IGFBP5: variants seen among roughly 807,000 people sequenced by gnomAD.
IGFBP5 encodes the protein insulin like growth factor binding protein 5.
IGFBP5 carries 12 observed loss-of-function variants against 28.0 expected under a neutral mutation model. That is an observed-to-expected ratio of 0.43 (90% CI 0.27 to 0.69). The LOEUF is 0.69. IGFBP5 is among the 30% of genes least tolerant of loss of function. The pLI is 0.20. For synonymous variants in IGFBP5, 152 were observed against 150.2 expected, an observed-to-expected ratio of 1.01 and a Z score of -0.09; for missense variants, 344 against 381.6, an observed-to-expected ratio of 0.90 and a Z score of 0.82.
chr2:216,688,989 C>G (rs1039548600), intron 1 of IGFBP5, among the ~76,000 whole-genome samples: 42 of 152,170 alleles, frequency 2.8e-4, no homozygotes, highest in Non-Finnish European at 1.5e-5. Context: ...ACACATCTGC[C>G]TATGAAAGAA....
In IGFBP5 at chr2:216,693,032, C is replaced by T. The variant is rs548463379; in HGVS notation, c.337+1407G>A. ...GAAGGGGATTGCCCCCGTAACTAAA[C>T]TGTCTCCGTAACTAAACTACGCCAA... On this transcript the variant is annotated intron_variant, in intron 1 of 3. Transcript: ENST00000233813. Among the ~76,000 whole-genome samples, 11 of 152,312 alleles carry T rather than the reference C, an allele frequency of 7.2e-5. 1 individual carries two copies. The South Asian group carries it at 2.3e-3, about 32-fold the overall frequency.
chr2:216,684,317 C>G (rs1045116796), intron 1 of IGFBP5, among the ~76,000 whole-genome samples: 1 of 152,228 alleles, frequency 6.6e-6, no homozygotes, highest in South Asian at 2.1e-4. Flanking sequence ...CCCCCGCCCC[C>G]GGACCTCTTA....
rs1381673214 is a variant in IGFBP5 at position 216,676,658 on chromosome 2, T to A, written c.*93A>T. ...ATATATATTTTTCCCTTAAATGAGA[T>A]GAAATGAGTGGCGTCCTGGGGTGGA... On this transcript the variant is annotated 3_prime_UTR_variant, in exon 4 of 4. Transcript: ENST00000233813. The A allele has an allele frequency of 1.3e-6, 1 of 761,130 alleles. No homozygotes were observed. Among genetic ancestry groups the A allele is most frequent in the Non-Finnish European group, 2.1e-6 (1 of 469,096 alleles). The allele number at this position is 761,130 out of a possible 1,614,324, so 47.1% of individuals were successfully genotyped here.
At chr2:216,684,132 A>G (rs1479988521) in intron 1 of IGFBP5, among the ~76,000 whole-genome samples, 1 of 152,202 alleles carries the variant, frequency 6.6e-6, no homozygotes, top group African/African-American at 2.4e-5. Context: ...GAAATACTCC[A>G]TGCTGCACAA....
chr2:216,694,399 C>G lies in IGFBP5; in HGVS notation c.337+40G>C, dbSNP rs1459826020. ...CCCAGCCGGTCTCGTGTCCCCCGCC[C>G]GTGCGCCGCGTAACTGACTGGCACA... On this transcript the variant is annotated intron_variant, in intron 1 of 3. Transcript: ENST00000233813. The surrounding 1 kb of genome is among the most constrained non-coding windows in gnomAD (Gnocchi z 5.2). 3.5e-6 allele frequency: 5 copies of G among 1,436,990 alleles called. No individual in the cohort carries two copies. Among genetic ancestry groups the G allele is most frequent in the Admixed American group, 2.5e-5 (1 of 39,226 alleles). The allele number at this position is 1,436,990 out of a possible 1,614,324, so 89.0% of individuals were successfully genotyped here.
rs559309336 is a variant in IGFBP5 at position 216,692,941 on chromosome 2, T to C, written c.337+1498A>G. ...CACTCCTCTCCTGCACTATAGTGAC[T>C]GAAATTTGCACTTCAGAAAACTCAT... On this transcript the variant is annotated intron_variant, in intron 1 of 3. Coordinates refer to ENST00000233813, the MANE Select transcript of IGFBP5 (RefSeq NM_000599.4). The surrounding 1 kb of genome is among the most constrained non-coding windows in gnomAD (Gnocchi z 4.2). Among the ~76,000 whole-genome samples, 20 of 152,200 alleles carry C rather than the reference T, an allele frequency of 1.3e-4. No individual in the cohort carries two copies. Among genetic ancestry groups the C allele is most frequent in the African/African-American group, 4.8e-4 (20 of 41,548 alleles).
chr2:216,694,602 G>A lies in IGFBP5; in HGVS notation c.174C>T (p.Thr58=), dbSNP rs760333246. The part of the protein sequence containing the change: ...VKEPGCGCCM[T]CALAEGQSCG... ...ACGACTGCCCCTCGGCCAGGGCGCA[G>A]GTCATGCAGCAGCCGCAGCCCGGCT... The change falls in exon 1 of 4, where the codon ACC becomes ACT. Residue 58 remains threonine, a synonymous_variant. Coordinates refer to ENST00000233813, the MANE Select transcript of IGFBP5 (RefSeq NM_000599.4). This position sits in a 1 kb window ranked among gnomAD's most constrained non-coding sequence, Gnocchi z 5.2. The A allele has an allele frequency of 2.7e-5, 42 of 1,545,192 alleles. No homozygotes were observed. In the Middle Eastern group the frequency reaches 5.1e-4, roughly 19 times the overall value.
chr2:216,684,225 G>A (rs1005665485), intron 1 of IGFBP5, among the ~76,000 whole-genome samples: 1 of 152,330 alleles, frequency 6.6e-6, no homozygotes, highest in Non-Finnish European at 1.5e-5. Context: ...TTCCAGTAGA[G>A]TCTGAAGGGT....
At chr2:216,682,092 G>C (rs1201777843) in intron 1 of IGFBP5, among the ~76,000 whole-genome samples, 3 of 152,186 alleles carry the variant, frequency 2.0e-5, no homozygotes, top group Admixed American at 1.3e-4. Context: ...GCCTCCCCAA[G>C]GCAAGTCTCC....
Position 216,676,535 on chromosome 2 carries a change from G to C in IGFBP5, c.*216C>G. ...CAAAAAGAAAACCATTTAAAGGGGG[G>C]GGGTGTCTTTTTAGCTTTTTGCATC... On this transcript the variant is annotated 3_prime_UTR_variant, in exon 4 of 4. Transcript: ENST00000233813. 2.8e-6 allele frequency: 1 copy of C among 354,792 alleles called. No individual in the cohort carries two copies. The highest frequency in any genetic ancestry group is 4.0e-5 in the South Asian group (1 of 24,700). 22.0% of individuals were successfully genotyped at this position (354,792 alleles called of 1,614,324 possible).
Position 216,676,020 on chromosome 2 carries a change from G to A in IGFBP5, c.*731C>T, listed in dbSNP as rs976583790. 7 of 152,712 alleles carry A rather than the reference G, an allele frequency of 4.6e-5. No individual in the cohort carries two copies. The highest frequency in any genetic ancestry group is 1.7e-4 in the African/African-American group (7 of 41,546). The allele number at this position is 152,712 out of a possible 1,614,324, so 9.5% of individuals were successfully genotyped here. The stretch of plus-strand genomic sequence containing the variant: ...ACATGTATTTCATATTCACAGATCT[G>A]CTTCCGAAAACCTCTCTATTTAATA... On this transcript the variant is annotated 3_prime_UTR_variant, in exon 4 of 4. Transcript: ENST00000233813.
Position 216,692,552 on chromosome 2 carries a change from T to C in IGFBP5, c.337+1887A>G, listed in dbSNP as rs1179127678. 6.6e-6 allele frequency among the ~76,000 whole-genome samples: 1 copy of C among 152,160 alleles called. No homozygotes were observed. The highest frequency in any genetic ancestry group is 1.5e-5 in the Non-Finnish European group (1 of 68,026). The stretch of plus-strand genomic sequence containing the variant: ...ACACCTTACGTTCTTTCGGTGTGAC[T>C]GGATTGTTACCCAGGGCGGTGGCTC... On this transcript the variant is annotated intron_variant, in intron 1 of 3. Transcript: ENST00000233813. The surrounding 1 kb of genome is among the most constrained non-coding windows in gnomAD (Gnocchi z 4.2).
intron 3 of IGFBP5, among the ~76,000 whole-genome samples, chr2:216,677,373 TATC>T (rs1187705013): frequency 6.6e-6 from 1 of 152,190 alleles, no homozygotes; most frequent in Non-Finnish European, 1.5e-5. Context: ...TTTGTGGTGT[TATC>T]ATGTAGTAGA....
In IGFBP5 at chr2:216,678,919, G is replaced by T. The variant is rs778168361; in HGVS notation, c.498C>A (p.Val166=). ...RRKKLTQSKF[V]GGAENTAHPR... is the part of the protein sequence containing the mutation. Reference sequence around the variant, plus strand: ...GGTGGGCAGTGTTCTCGGCTCCCCCGACAAACTTGGACTGGGTCAGCTTCT... The same window carrying T: ...GGTGGGCAGTGTTCTCGGCTCCCCCTACAAACTTGGACTGGGTCAGCTTCT... The change falls in exon 2 of 4, where the codon GTC becomes GTA. Residue 166 remains valine, a synonymous_variant. Coordinates refer to ENST00000233813, the MANE Select transcript of IGFBP5 (RefSeq NM_000599.4). The T allele has an allele frequency of 4.3e-6, 7 of 1,614,072 alleles. No individual in the cohort carries two copies. Among genetic ancestry groups the T allele is most frequent in the Non-Finnish European group, 5.9e-6 (7 of 1,180,048 alleles).
rs1299711979 is a variant in IGFBP5, at chr2:216,672,524, A to T, written c.*4227T>A. 6.6e-6 allele frequency: 1 copy of T among 152,134 alleles called. No individual in the cohort carries two copies. Among genetic ancestry groups the T allele is most frequent in the Non-Finnish European group, 1.5e-5 (1 of 67,958 alleles). The allele number at this position is 152,134 out of a possible 1,614,324, so 9.4% of individuals were successfully genotyped here. A position where few individuals can be genotyped will look rare whatever the true frequency, so the allele number is the denominator to read the frequency against. ...TGTGGTTATTGCTGTCTTCAAAAAAAAAAAGAAAAAGAAAAACAACAACAA... is the reference window on the plus strand; with the variant it reads ...TGTGGTTATTGCTGTCTTCAAAAAATAAAAGAAAAAGAAAAACAACAACAA... On this transcript the variant is annotated 3_prime_UTR_variant, in exon 4 of 4. Transcript: ENST00000233813.
chr2:216,691,156 G>A (rs574092929), intron 1 of IGFBP5, among the ~76,000 whole-genome samples: 3 of 152,208 alleles, frequency 2.0e-5, no homozygotes, highest in Non-Finnish European at 4.4e-5. Flanking sequence ...TGGAGTTGAA[G>A]CCAGGGTGAT....
chr2:216,685,138 A>G (rs928073400), intron 1 of IGFBP5, among the ~76,000 whole-genome samples: 1 of 152,102 alleles, frequency 6.6e-6, no homozygotes, highest in African/African-American at 2.4e-5. Flanking sequence ...AAAATCAGCC[A>G]GGCATGGTGG....
rs1688938667 is a variant in IGFBP5 at position 216,679,013 on chromosome 2, T to A, written c.404A>T (p.Lys135Met). 5 of 1,614,126 alleles carry A rather than the reference T, an allele frequency of 3.1e-6. No individual in the cohort carries two copies. Among genetic ancestry groups the A allele is most frequent in the Non-Finnish European group, 4.2e-6 (5 of 1,180,016 alleles). Residue 135 changes from lysine to methionine, a missense_variant, in exon 2 of 4, where the codon AAG becomes ATG. Physicochemically the swap from Lys to Met is moderately conservative, Grantham distance 95 (BLOSUM62 -1). This residue lies in a region of IGFBP5 where 304 missense variants were observed against 329.2 expected (regional missense o/e 0.92). Coordinates refer to ENST00000233813, the MANE Select transcript of IGFBP5 (RefSeq NM_000599.4). This position sits in a 1 kb window ranked among gnomAD's most constrained non-coding sequence, Gnocchi z 4.6. ...SEMAEETYSP[K>M]IFRPKHTRIS... ...GCGGGTGTGTTTGGGCCGGAAGATC[T>A]TGGGGGAGTAGGTCTCCTCGGCCAT...
At chr2:216,680,926 C>A (rs865808333) in intron 1 of IGFBP5, among the ~76,000 whole-genome samples, 3 of 152,272 alleles carry the variant, frequency 2.0e-5, no homozygotes, top group East Asian at 3.9e-4. Context: ...GCTGTGACGA[C>A]TCATCAATAG....
Sources: allele counts gnomAD v4.1 joint callset (sites outside exome capture counted in the v4.1 genomes callset), GRCh38; gene constraint gnomAD v4.1.1; regional missense constraint gnomAD v4.1.1; non-coding constraint Gnocchi (gnomAD v3.1); transcripts MANE v1.5; gene names NCBI Gene and HGNC (gene_info 2026-07-23, HGNC 2026-07-21).